Variants in AZI2 observed in about 807,000 individuals in gnomAD.
AZI2 encodes 5-azacytidine-induced protein 2.
In AZI2, 22 loss-of-function variants were observed where a neutral mutation model predicts 45.8. That is an observed-to-expected ratio of 0.48 (90% CI 0.34 to 0.69). AZI2 has a LOEUF of 0.69. AZI2 is among the 30% of genes least tolerant of loss of function. AZI2 has a pLI of 0.01. For missense variants in AZI2, 417 were observed against 441.5 expected (o/e 0.94, Z 0.50); for synonymous variants, 137 against 156.7 (o/e 0.87, Z 0.94).
rs543691002 is a variant in AZI2, at chr3:28,343,320, T to A, written c.-5-2698A>T. Among the ~76,000 whole-genome samples the A allele has an allele frequency of 3.0e-4, 45 of 152,126 alleles. No individual in the cohort carries two copies. In the South Asian group the frequency reaches 9.3e-3, roughly 32 times the overall value. On this transcript the variant is annotated intron_variant, in intron 1 of 7. Coordinates refer to ENST00000479665, the MANE Select transcript of AZI2 (RefSeq NM_022461.5). Reference sequence around the variant, plus strand: ...TTATTGTACTTACACCTTTACAGTTTGTTAACTTCCAGCAGGGGAACAAGT... The same window carrying A: ...TTATTGTACTTACACCTTTACAGTTAGTTAACTTCCAGCAGGGGAACAAGT...
rs949260714 is a variant in AZI2, at chr3:28,323,960, T to C, written c.*82A>G. 5 of 1,447,986 alleles carry C rather than the reference T, an allele frequency of 3.5e-6. No homozygotes were observed. The African/African-American group carries it at 5.7e-5, about 17-fold the overall frequency. 89.7% of individuals were successfully genotyped at this position (1,447,986 alleles called of 1,614,324 possible). A position where few individuals can be genotyped will look rare whatever the true frequency, so the allele number is the denominator to read the frequency against. On this transcript the variant is annotated 3_prime_UTR_variant, in exon 8 of 8. Transcript: ENST00000479665. ...CTGCAAAATTTTAATCAAAATCTCC[T>C]TTCAGTTTGTTAAATAATTTCTTGG...
At chr3:28,334,452 C>G (rs1285091326) in intron 5 of AZI2, among the ~76,000 whole-genome samples, 2 of 151,878 alleles carry the variant, frequency 1.3e-5, no homozygotes, top group Non-Finnish European at 2.9e-5. Flanking sequence ...TCTTCCTTTT[C>G]TTTGTTCATT....
intron 6 of AZI2, among the ~76,000 whole-genome samples, chr3:28,329,564 A>G (rs1210984874): frequency 6.6e-6 from 1 of 151,290 alleles, no homozygotes; most frequent in African/African-American, 2.4e-5. Flanking sequence ...TTGACACTAT[A>G]TATGGAACTC....
intron 1 of AZI2, among the ~76,000 whole-genome samples, chr3:28,344,849 C>CTAGA (rs2125670731): frequency 6.6e-6 from 1 of 152,186 alleles, no homozygotes; most frequent in South Asian, 2.1e-4. Flanking sequence ...TTACCAAAGA[C>CTAGA]TAGATAGTAT....
intron 5 of AZI2, 138 bp downstream of exon 5, chr3:28,336,599 G>A (rs1262742894): frequency 1.1e-5 from 11 of 961,080 alleles, no homozygotes; most frequent in African/African-American, 8.4e-5. Flanking sequence ...AGATAAACAA[G>A]AATTTTTTAA....
At position 28,326,898 on chromosome 3, in the gene AZI2, G is replaced by A; in HGVS notation, c.700C>T (p.His234Tyr). ...TCAGCTTGTACTTGAGTCACCAGAT[G>A]TAAATTAGACATTTCTCTCTTCAGT... ...WELKREMSNL[H>Y]LVTQVQAELL... Residue 234 changes from histidine (H) to tyrosine (Y), a missense_variant, in exon 7 of 8, where the codon CAT becomes TAT. Physicochemically the swap from His to Tyr is moderately conservative, Grantham distance 83 (BLOSUM62 2). Transcript: ENST00000479665. 1 of 1,608,330 alleles carries A rather than the reference G, an allele frequency of 6.2e-7. No individual in the cohort carries two copies. The highest frequency in any genetic ancestry group is 8.5e-7 in the Non-Finnish European group (1 of 1,175,988).
rs758331900 is a variant in AZI2 at position 28,332,359 on chromosome 3, G to A, written c.647+10C>T. 4 of 1,597,114 alleles carry A rather than the reference G, an allele frequency of 2.5e-6. No homozygotes were observed. Among genetic ancestry groups the A allele is most frequent in the Non-Finnish European group, 3.4e-6 (4 of 1,165,848 alleles). Reference sequence around the variant, plus strand: ...CAACGTATTGTCTTAATGCTGAAGAGTGGTCATACCTTGAAATGCTTAGTT... The same window carrying A: ...CAACGTATTGTCTTAATGCTGAAGAATGGTCATACCTTGAAATGCTTAGTT... On this transcript the variant is annotated intron_variant, in intron 6 of 7. Coordinates refer to ENST00000479665, the MANE Select transcript of AZI2 (RefSeq NM_022461.5).
Position 28,340,543 on chromosome 3 carries a change from T to C in AZI2, c.75A>G (p.Pro25=), listed in dbSNP as rs1463806919. ...ATTCATCTCCTGAATATATTGAAAC[T>C]GGAGTCACTGTATCTCTCTTATGGG... The part of the protein sequence containing the change: ...EKAHKRDTVT[P]VSIYSGDESV... Residue 25 remains proline, a synonymous_variant, in exon 2 of 8, where the codon CCA becomes CCG. Transcript: ENST00000479665. 1.2e-6 allele frequency: 2 copies of C among 1,612,922 alleles called. No individual in the cohort carries two copies. Among genetic ancestry groups the C allele is most frequent in the Non-Finnish European group, 1.7e-6 (2 of 1,179,356 alleles).
At position 28,338,631 on chromosome 3, in the gene AZI2, T is replaced by G. The variant is rs779964512; in HGVS notation, c.217-16A>C. ...GAGCTATTAGCTAACGGTATGAAAT[T>G]AGAAGAGAAAGCTTAAGAGAGTATT... On this transcript the variant is annotated splice_polypyrimidine_tract_variant and intron_variant, in intron 2 of 7. Transcript: ENST00000479665. The G allele has an allele frequency of 8.7e-6, 14 of 1,603,376 alleles. No individual in the cohort carries two copies. The highest frequency in any genetic ancestry group is 2.7e-5 in the African/African-American group (2 of 74,724).
At chr3:28,335,357 T>C (rs1301635899) in intron 5 of AZI2, among the ~76,000 whole-genome samples, 1 of 151,984 alleles carries the variant, frequency 6.6e-6, no homozygotes, top group Non-Finnish European at 1.5e-5. Flanking sequence ...TATCTTTTCC[T>C]GTAAACCCAT....
At position 28,328,222 on chromosome 3, in the gene AZI2, T is replaced by C. The variant is rs553289773; in HGVS notation, c.648-1272A>G. 3.3e-5 allele frequency among the ~76,000 whole-genome samples: 5 copies of C among 151,196 alleles called. No individual in the cohort carries two copies. In the East Asian group the frequency reaches 5.8e-4, roughly 18 times the overall value. ...AATAATTAGTTCACAAAATTAACCA[T>C]GTCTACTTCACCAAAAAACATCTGA... On this transcript the variant is annotated intron_variant, in intron 6 of 7. Transcript: ENST00000479665.
In AZI2 at chr3:28,338,555, A is replaced by T. The variant is rs1403793826; in HGVS notation, c.277T>A (p.Tyr93Asn). Residue 93 changes from tyrosine (Y) to asparagine (N), a missense_variant, in exon 3 of 8, where the codon TAT becomes AAT. By Grantham distance (143) the Tyr-to-Asn change is moderately radical. Transcript: ENST00000479665. ...SVGREQVNKA[Y>N]HAYREVCIDR... ...ATGCAAACCTCTCGATATGCATGAT[A>T]GGCCTTATTTACTTGTTCTCGTCCC... 1.9e-6 allele frequency: 3 copies of T among 1,609,904 alleles called. No individual in the cohort carries two copies. Among genetic ancestry groups the T allele is most frequent in the Non-Finnish European group, 2.5e-6 (3 of 1,177,384 alleles).
At chr3:28,347,033 G>T (rs186613239) in intron 1 of AZI2, among the ~76,000 whole-genome samples, 2 of 152,188 alleles carry the variant, frequency 1.3e-5, no homozygotes, top group South Asian at 2.1e-4. Flanking sequence ...TAGGTATGAA[G>T]AGCAGTCTAC....
At chr3:28,337,581 T>C (rs1325904332) in intron 4 of AZI2, among the ~76,000 whole-genome samples, 5 of 152,264 alleles carry the variant, frequency 3.3e-5, no homozygotes, top group African/African-American at 1.2e-4. Context: ...AGCAGTGTGT[T>C]TAACTGTGGG....
In AZI2 at chr3:28,338,558, C is replaced by G; in HGVS notation, c.274G>C (p.Ala92Pro). ...CAAACCTCTCGATATGCATGATAGG[C>G]CTTATTTACTTGTTCTCGTCCCACG... is the stretch of plus-strand genomic sequence containing the variant. ...SSVGREQVNK[A>P]YHAYREVCID... Residue 92 changes from alanine to proline, a missense_variant, in exon 3 of 8, where the codon GCC (alanine) becomes CCC (proline). Physicochemically the swap from Ala to Pro is conservative, Grantham distance 27. Transcript: ENST00000479665. The G allele has an allele frequency of 6.2e-7, 1 of 1,609,944 alleles. No homozygotes were observed. Among genetic ancestry groups the G allele is most frequent in the Non-Finnish European group, 8.5e-7 (1 of 1,177,516 alleles).
At chr3:28,339,066 C>T (rs914791961) in intron 2 of AZI2, among the ~76,000 whole-genome samples, 4 of 151,852 alleles carry the variant, frequency 2.6e-5, no homozygotes, top group Admixed American at 6.6e-5. Context: ...CTGCAACCTC[C>T]GCCTCCCAGG....
In AZI2 at chr3:28,322,842, TGAG is replaced by T. The variant is rs1412131619; in HGVS notation, c.*1197_*1199del. On this transcript the variant is annotated 3_prime_UTR_variant, in exon 8 of 8. Coordinates refer to ENST00000479665, the MANE Select transcript of AZI2 (RefSeq NM_022461.5). ...ATACAGTAGAAGAGATCTGAGATAT[TGAG>T]TTCAAGATATATGAAACTGTCTATC... 2 of 151,260 alleles carry T rather than the reference TGAG, an allele frequency of 1.3e-5. No homozygotes were observed. The highest frequency in any genetic ancestry group is 4.8e-5 in the African/African-American group (2 of 41,320). 9.4% of individuals were successfully genotyped at this position (151,260 alleles called of 1,614,324 possible).
chr3:28,331,573 G>A (rs977886564), intron 6 of AZI2: 2 of 980,036 alleles, frequency 2.0e-6, no homozygotes, highest in Non-Finnish European at 2.5e-6. Context: ...TCCTCAAATT[G>A]TTTTTCCTAA....
chr3:28,334,256 A>T (rs967848872), intron 5 of AZI2, among the ~76,000 whole-genome samples: 3 of 151,942 alleles, frequency 2.0e-5, no homozygotes, highest in Non-Finnish European at 2.9e-5. Flanking sequence ...AATTTTTTTT[A>T]AAATGGCTAG....
Sources: gnomAD v4.1 joint callset for allele counts (sites outside exome capture counted in the v4.1 genomes callset) on GRCh38, gnomAD v4.1.1 for gene constraint, MANE v1.5 for transcripts, NCBI Gene and HGNC (gene_info 2026-07-23, HGNC 2026-07-21) for gene names.